The following DDB2 variants were observed in gnomAD, a reference collection of about 807,000 sequenced individuals.
The protein encoded by DDB2 is damage specific DNA binding protein 2, also known as DNA damage-binding protein 2.
DDB2 carries 27 observed loss-of-function variants against 50.5 expected under a neutral mutation model. That is an observed-to-expected ratio of 0.53 (90% confidence interval 0.39 to 0.74). DDB2 has a LOEUF of 0.74. Among genes scored for constraint, DDB2 ranks in the 30% least tolerant of loss-of-function variants. The pLI, the probability that DDB2 is intolerant of heterozygous loss-of-function variation, is 0.00. For synonymous variants in DDB2, 176 were observed against 205.5 expected, an observed-to-expected ratio of 0.86 and a Z score of 1.23; for missense variants, 424 against 545.6, an observed-to-expected ratio of 0.78 and a Z score of 2.22.
At position 47,215,152 on chromosome 11, in the gene DDB2, C is replaced by T. The variant is rs1452659395; in HGVS notation, c.16C>T (p.Arg6Cys). The T allele has an allele frequency of 6.2e-7, 1 of 1,613,948 alleles. No homozygotes were observed. The highest frequency in any genetic ancestry group is 8.5e-7 in the Non-Finnish European group (1 of 1,180,034). Residue 6 changes from arginine (R) to cysteine (C), a missense_variant, in exon 1 of 10, where the codon CGC becomes TGC. Transcript: ENST00000256996. MAPKKRPETQKTSEIV... is the reference protein window; with the variant it reads MAPKKCPETQKTSEIV... ...GGAGGACGCGATGGCTCCCAAGAAA[C>T]GCCCAGAAACCCAGAAGACCTCCGA...
At chr11:47,215,524 G>C (rs1020264553) in intron 1 of DDB2, 1 of 507,288 alleles carries the variant, frequency 2.0e-6, no homozygotes, top group Non-Finnish European at 3.6e-6. Context: ...CAGGGTTCTT[G>C]CACAGTTAGG....
chr11:47,231,902 C>T (rs1590998876), intron 3 of DDB2, among the ~76,000 whole-genome samples: 1 of 152,138 alleles, frequency 6.6e-6, no homozygotes, highest in Non-Finnish European at 1.5e-5. Flanking sequence ...TGGGATACCA[C>T]GATGGAGTTT....
chr11:47,216,462 C>T lies in DDB2; in HGVS notation c.254C>T (p.Ser85Phe), dbSNP rs770922074. Residue 85 changes from serine (S) to phenylalanine (F), a missense_variant, in exon 2 of 10, where the codon TCT becomes TTT. Physicochemically the swap from Ser to Phe is radical, Grantham distance 155. Transcript: ENST00000256996. ...AAGCTGGGCAGAGCTTCCTGGCCAT[C>T]TGTCCAGCAGGTAAGGCATTTTTTG... ...QHKLGRASWP[S>F]VQQGLQQSFL... The T allele has an allele frequency of 1.2e-6, 2 of 1,613,398 alleles. No individual in the cohort carries two copies. Among genetic ancestry groups the T allele is most frequent in the Non-Finnish European group, 1.7e-6 (2 of 1,180,036 alleles).
intron 1 of DDB2, chr11:47,215,893 C>CA: frequency 3.3e-6 from 1 of 303,784 alleles, no homozygotes; most frequent in South Asian, 3.0e-5. Flanking sequence ...TAGTTAAGAG[C>CA]ATTTCCAGGC....
chr11:47,219,460 A>G (rs940202532), intron 3 of DDB2, among the ~76,000 whole-genome samples: 1 of 151,958 alleles, frequency 6.6e-6, no homozygotes, highest in African/African-American at 2.4e-5. Context: ...TTCCTGACTC[A>G]AGGAATCCTC....
intron 7 of DDB2, among the ~76,000 whole-genome samples, chr11:47,236,835 C>T (rs182925088): frequency 6.6e-6 from 1 of 152,368 alleles, no homozygotes; most frequent in East Asian, 1.9e-4. Context: ...CATCTGTCTG[C>T]ATGTCCCAGT....
intron 3 of DDB2, among the ~76,000 whole-genome samples, chr11:47,228,248 CA>C (rs2135501637): frequency 6.7e-6 from 1 of 149,492 alleles, no homozygotes; most frequent in African/African-American, 2.5e-5. Context: ...GCCTGAGCGA[CA>C]GAGCACAACT....
At chr11:47,224,077 C>T (rs1170038256) in intron 3 of DDB2, among the ~76,000 whole-genome samples, 1 of 152,118 alleles carries the variant, frequency 6.6e-6, no homozygotes, top group Non-Finnish European at 1.5e-5. Flanking sequence ...AGAGCAAGAT[C>T]CTGTCTCAAT....
intron 3 of DDB2, among the ~76,000 whole-genome samples, chr11:47,227,742 C>A (rs1953581646): frequency 6.6e-6 from 1 of 152,074 alleles, no homozygotes; most frequent in Non-Finnish European, 1.5e-5. Flanking sequence ...ACATATTTAT[C>A]GTTTTTAAAT....
At chr11:47,219,849 G>T (rs866790151) in intron 3 of DDB2, among the ~76,000 whole-genome samples, 1 of 152,014 alleles carries the variant, frequency 6.6e-6, no homozygotes. Flanking sequence ...GTGCAGTGGC[G>T]CAATCTCGGC....
chr11:47,233,886 T>C (rs1953685871), intron 4 of DDB2, among the ~76,000 whole-genome samples: 1 of 152,062 alleles, frequency 6.6e-6, no homozygotes, highest in Admixed American at 6.6e-5. Context: ...CAGCAGGCAA[T>C]TGGATAGACA....
chr11:47,227,354 G>C (rs371699747), intron 3 of DDB2, among the ~76,000 whole-genome samples: 2 of 151,812 alleles, frequency 1.3e-5, no homozygotes, highest in African/African-American at 4.8e-5. Flanking sequence ...TGATCTACCC[G>C]CCTCGGCCTC....
chr11:47,216,674 C>A (rs1340755773), intron 2 of DDB2, among the ~76,000 whole-genome samples, 184 bp from the exon 3 acceptor site: 2 of 152,120 alleles, frequency 1.3e-5, no homozygotes, highest in Non-Finnish European at 2.9e-5. Flanking sequence ...GCACTCTGCC[C>A]CTTTTGCTTT....
intron 3 of DDB2, among the ~76,000 whole-genome samples, chr11:47,232,426 G>C (rs1397740557): frequency 1.3e-5 from 2 of 152,062 alleles, no homozygotes; most frequent in Non-Finnish European, 2.9e-5. Context: ...CCGTGGCAGG[G>C]GGATCGCTTG....
intron 7 of DDB2, 133 bp from the exon 8 acceptor site, chr11:47,237,704 A>G (rs955902577): frequency 4.2e-5 from 37 of 883,502 alleles, no homozygotes; most frequent in Admixed American, 1.2e-4. Flanking sequence ...CAAAGTGTTG[A>G]GATTACAGGT....
chr11:47,235,229 G>A (rs1285842347), intron 6 of DDB2, 41 bp from the exon 7 acceptor site: 1 of 1,613,824 alleles, frequency 6.2e-7, no homozygotes, highest in South Asian at 1.1e-5. Context: ...ACCACAGAGG[G>A]CTTGTGGTTC....
chr11:47,226,156 T>C (rs1953553999), intron 3 of DDB2, among the ~76,000 whole-genome samples: 2 of 152,206 alleles, frequency 1.3e-5, no homozygotes, highest in African/African-American at 4.8e-5. Context: ...CAAATGGTAA[T>C]TTTGTTGTTC....
At chr11:47,230,810 G>A (rs761282021) in intron 3 of DDB2, among the ~76,000 whole-genome samples, 3 of 152,134 alleles carry the variant, frequency 2.0e-5, no homozygotes, top group Non-Finnish European at 2.9e-5. Flanking sequence ...TTTACATCTT[G>A]GGGATGTAAA....
In DDB2 at chr11:47,228,731, C is replaced by T. The variant is rs370952655; in HGVS notation, c.457-4083C>T. On this transcript the variant is annotated intron_variant, in intron 3 of 9. Coordinates refer to ENST00000256996, the MANE Select transcript of DDB2 (RefSeq NM_000107.3). ...ATGACTGTTGGGAGGCCGAGGCAGG[C>T]GGATCACTTGAAGTCAGGAGTTCGA... Among the ~76,000 whole-genome samples, 9 of 151,294 alleles carry T rather than the reference C, an allele frequency of 5.9e-5. No homozygotes were observed. In the South Asian group the frequency reaches 8.3e-4, roughly 14 times the overall value.
Sources: allele counts gnomAD v4.1 joint callset (sites outside exome capture counted in the v4.1 genomes callset), GRCh38; gene constraint gnomAD v4.1.1; transcripts MANE v1.5; gene names NCBI Gene and HGNC (gene_info 2026-07-23, HGNC 2026-07-21).